The following PCDH15 variants were observed in gnomAD, a reference collection of about 807,000 sequenced individuals.
PCDH15 encodes protocadherin related 15.
PCDH15 carries 129 observed loss-of-function variants against 178.5 expected under a neutral mutation model. The observed-to-expected ratio is 0.72, with a 90% CI of 0.63 to 0.84. The LOEUF is 0.84. PCDH15 is among the 40% of genes least tolerant of loss of function. The pLI is 0.00. For synonymous variants in PCDH15, 800 were observed against 732.0 expected, an observed-to-expected ratio of 1.09 and a Z score of -1.50; for missense variants, 2,230 against 2,099.9, an observed-to-expected ratio of 1.06 and a Z score of -1.21.
chr10:55,617,312 C>T (rs1357608157), intron 2 of PCDH15, among the ~76,000 whole-genome samples: 1 of 152,012 alleles, frequency 6.6e-6, no homozygotes, highest in African/African-American at 2.4e-5. Flanking sequence ...CTTAACACTA[C>T]AGAATGCTCA....
At chr10:55,223,743 G>A (rs1201265557) in intron 1 of PCDH15, among the ~76,000 whole-genome samples, 1 of 152,090 alleles carries the variant, frequency 6.6e-6, no homozygotes, top group Non-Finnish European at 1.5e-5. Context: ...ACGATTTATT[G>A]TAAAAATAAG....
chr10:54,235,425 G>A (rs1358008526), intron 9 of PCDH15, among the ~76,000 whole-genome samples: 1 of 152,104 alleles, frequency 6.6e-6, no homozygotes, highest in East Asian at 1.9e-4. Flanking sequence ...CATCCAACTG[G>A]CTCTGAGTAT....
At chr10:54,777,214 C>A (rs191659664) in intron 1 of PCDH15, among the ~76,000 whole-genome samples, 1 of 152,240 alleles carries the variant, frequency 6.6e-6, no homozygotes, top group Non-Finnish European at 1.5e-5. Flanking sequence ...ACAATCGTTG[C>A]GCACATCTAT....
At chr10:55,570,251 C>T (rs1418265309) in intron 2 of PCDH15, among the ~76,000 whole-genome samples, 3 of 151,876 alleles carry the variant, frequency 2.0e-5, no homozygotes, top group Non-Finnish European at 2.9e-5. Flanking sequence ...ATACAGCCAA[C>T]AAGAAGTAGA....
intron 2 of PCDH15, among the ~76,000 whole-genome samples, chr10:55,110,840 A>G (rs1837483917): frequency 6.6e-6 from 1 of 152,092 alleles, no homozygotes; most frequent in Admixed American, 6.5e-5. Context: ...AACAAACAAA[A>G]TATTGTTAGA....
At chr10:55,257,868 G>A (rs1187068358) in intron 1 of PCDH15, among the ~76,000 whole-genome samples, 1 of 152,110 alleles carries the variant, frequency 6.6e-6, no homozygotes, top group Non-Finnish European at 1.5e-5. Context: ...AGGAAATACA[G>A]AGAATGCCAC....
intron 2 of PCDH15, among the ~76,000 whole-genome samples, chr10:55,129,236 G>A (rs116156225): frequency 0.019 from 2,827 of 152,184 alleles, 38 homozygotes; most frequent in African/African-American, 0.039. Flanking sequence ...TGTCCCACTT[G>A]TAAGATTTGC....
At chr10:54,997,584 T>C (rs1006540886) in intron 2 of PCDH15, among the ~76,000 whole-genome samples, 5 of 152,212 alleles carry the variant, frequency 3.3e-5, no homozygotes, top group African/African-American at 1.2e-4. Context: ...AACAAAATGA[T>C]CTTTGTGCAA....
At chr10:55,250,256 G>A (rs941258921) in intron 1 of PCDH15, among the ~76,000 whole-genome samples, 4 of 151,828 alleles carry the variant, frequency 2.6e-5, no homozygotes, top group Admixed American at 6.6e-5. Context: ...TGATCCTCCC[G>A]CATCAGCCTT....
rs774906106 is a variant in PCDH15 at position 53,807,137 on chromosome 10, A to AAAT, written c.4672-10_4672-8dup. On this transcript the variant is annotated splice_polypyrimidine_tract_variant and splice_region_variant and intron_variant, in intron 37 of 37. Transcript: ENST00000644397. ...TCATTCTTTTTCTTGCCCACTGATA[A>AAAT]AATAAACAAAAATATGTGAGTCACT... 17 of 1,567,566 alleles carry AAAT rather than the reference A, an allele frequency of 1.1e-5. No homozygotes were observed. The Admixed American group carries it at 1.5e-4, about 14-fold the overall frequency.
chr10:54,080,581 A>T (rs2094422253), intron 16 of PCDH15, among the ~76,000 whole-genome samples: 2 of 152,202 alleles, frequency 1.3e-5, no homozygotes, highest in Admixed American at 1.3e-4. Flanking sequence ...GAAAATTTAA[A>T]CAATTCATAT....
rs2048153797 is a variant in PCDH15 at position 54,183,128 on chromosome 10, TGC to T, written c.1590+314_1590+315del. 2.0e-5 allele frequency among the ~76,000 whole-genome samples: 3 copies of T among 152,010 alleles called. No individual in the cohort carries two copies. The South Asian group carries it at 6.2e-4, about 31-fold the overall frequency. ...TCCTGAGTAGCTGGGATTACAGGCA[TGC>T]GCCACCATACCCGGCTAATTTTGTA... On this transcript the variant is annotated intron_variant, in intron 13 of 37. Transcript: ENST00000644397.
At chr10:53,894,187 G>T (rs2081787036) in intron 26 of PCDH15, among the ~76,000 whole-genome samples, 1 of 152,130 alleles carries the variant, frequency 6.6e-6, no homozygotes, top group Admixed American at 6.5e-5. Flanking sequence ...GGAAAATCAT[G>T]CACACAGATA....
At chr10:54,919,739 C>T (rs1055338743) in intron 2 of PCDH15, among the ~76,000 whole-genome samples, 1 of 152,180 alleles carries the variant, frequency 6.6e-6, no homozygotes, top group African/African-American at 2.4e-5. Flanking sequence ...GTCCTCCAAC[C>T]ATAGGTAACC....
At chr10:55,251,420 T>C (rs1841832694) in intron 1 of PCDH15, among the ~76,000 whole-genome samples, 1 of 152,148 alleles carries the variant, frequency 6.6e-6, no homozygotes, top group East Asian at 1.9e-4. Flanking sequence ...TCCATTTCTA[T>C]AATTTTGTAA....
intron 2 of PCDH15, among the ~76,000 whole-genome samples, chr10:55,135,747 T>C (rs1350206712): frequency 3.3e-5 from 5 of 151,830 alleles, no homozygotes; most frequent in African/African-American, 9.7e-5. Context: ...CCTGCCTGGC[T>C]AATTTTTTGT....
At chr10:54,265,620 T>A (rs1315128603) in intron 8 of PCDH15, among the ~76,000 whole-genome samples, 1 of 152,002 alleles carries the variant, frequency 6.6e-6, no homozygotes, top group Non-Finnish European at 1.5e-5. Flanking sequence ...GAGCAGGAGT[T>A]TCTATTCTAT....
chr10:55,237,672 T>A (rs1841419707), intron 1 of PCDH15, among the ~76,000 whole-genome samples: 1 of 152,192 alleles, frequency 6.6e-6, no homozygotes, highest in South Asian at 2.1e-4. Context: ...CTATTATTAT[T>A]GCACAACTTT....
intron 2 of PCDH15, among the ~76,000 whole-genome samples, chr10:54,987,360 T>C (rs568611113): frequency 6.5e-4 from 99 of 152,182 alleles, no homozygotes; most frequent in Non-Finnish European, 1.2e-3. Flanking sequence ...GAATGATTCA[T>C]AATTCTTTGG....
Sources: gnomAD v4.1 joint callset for allele counts (sites outside exome capture counted in the v4.1 genomes callset) on GRCh38, gnomAD v4.1.1 for gene constraint, MANE v1.5 for transcripts, NCBI Gene and HGNC (gene_info 2026-07-23, HGNC 2026-07-21) for gene names.